Variants in KANSL1L observed in about 807,000 individuals in gnomAD.
The protein encoded by KANSL1L is KAT8 regulatory NSL complex subunit 1-like protein.
KANSL1L carries 25 observed loss-of-function variants against 108.6 expected under a neutral mutation model. That is an observed-to-expected ratio of 0.23 (90% CI 0.17 to 0.32). The LOEUF (loss-of-function observed/expected upper bound fraction) is 0.32, where lower values mean the gene tolerates loss of function less well. KANSL1L is among the 10% of genes least tolerant of loss of function. The probability of loss-of-function intolerance (pLI) is 1.00; values close to 1 mark genes in which losing one functional copy is unlikely to be tolerated. For missense variants in KANSL1L, 1,137 were observed against 1,125.7 expected (o/e 1.01, Z -0.14); for synonymous variants, 405 against 395.1 (o/e 1.03, Z -0.30).
At chr2:210,082,022 C>A (rs192210604) in intron 5 of KANSL1L, among the ~76,000 whole-genome samples, 123 of 152,236 alleles carry the variant, frequency 8.1e-4, no homozygotes, top group African/African-American at 2.8e-3. Flanking sequence ...CAGTGTCAAC[C>A]TTCTTGGCTC....
intron 6 of KANSL1L, among the ~76,000 whole-genome samples, chr2:210,058,193 G>T (rs560807450): frequency 6.6e-6 from 1 of 152,260 alleles, no homozygotes; most frequent in African/African-American, 2.4e-5. Context: ...TGAAATGGCC[G>T]CTTCAGGGGG....
chr2:210,109,939 T>C (rs1559563942), intron 3 of KANSL1L, among the ~76,000 whole-genome samples: 4 of 152,154 alleles, frequency 2.6e-5, no homozygotes, highest in African/African-American at 9.7e-5. Flanking sequence ...TCATAGAAGG[T>C]TGGCGTCCTA....
intron 1 of KANSL1L, among the ~76,000 whole-genome samples, chr2:210,158,889 A>G (rs1343659815): frequency 2.0e-5 from 3 of 152,152 alleles, no homozygotes; most frequent in Admixed American, 2.0e-4. Flanking sequence ...TTACATAACA[A>G]TGTTTCCCAA....
chr2:210,065,928 C>A (rs1252456174), intron 6 of KANSL1L, among the ~76,000 whole-genome samples: 1 of 152,054 alleles, frequency 6.6e-6, no homozygotes, highest in Admixed American at 6.6e-5. Context: ...GACTTCAAGC[C>A]TGAGCCTAAT....
rs202067900 is a variant in KANSL1L at position 210,153,967 on chromosome 2, T to C, written c.616A>G (p.Asn206Asp). ...GCAGCTGAAGAACTAACAGGCACAT[T>C]TGAGTGGCCAGGTACAATTTTCTTT... ...TQKKIVPGHS[N>D]VPVSSSAAEK... The change falls in exon 2 of 15, where the codon AAT (asparagine) becomes GAT (aspartate). Residue 206 changes from asparagine (N) to aspartate (D), a missense_variant. This residue lies in a region of KANSL1L where 556 missense variants were observed against 537.7 expected (regional missense o/e 1.03). Transcript: ENST00000281772. 19 of 1,613,550 alleles carry C rather than the reference T, an allele frequency of 1.2e-5. No individual in the cohort carries two copies. The highest frequency in any genetic ancestry group is 2.7e-5 in the African/African-American group (2 of 74,922).
intron 5 of KANSL1L, among the ~76,000 whole-genome samples, chr2:210,095,662 G>A (rs916566845): frequency 1.3e-5 from 2 of 151,902 alleles, no homozygotes; most frequent in African/African-American, 4.8e-5. Context: ...CCCCAAAATC[G>A]TTTGTTTTAC....
intron 2 of KANSL1L, among the ~76,000 whole-genome samples, chr2:210,150,446 AATG>A (rs1260352849): frequency 2.0e-5 from 3 of 152,214 alleles, no homozygotes; most frequent in African/African-American, 7.2e-5. Flanking sequence ...TAAATCTTAA[AATG>A]TTTTGAAAAA....
chr2:210,170,284 G>T, intron 1 of KANSL1L: 9 of 834,142 alleles, frequency 1.1e-5, no homozygotes, highest in Non-Finnish European at 1.2e-5. Context: ...CCTAAACCTC[G>T]CCAGAACATG....
chr2:210,093,675 G>T (rs1475943239), intron 5 of KANSL1L, among the ~76,000 whole-genome samples: 2 of 151,988 alleles, frequency 1.3e-5, no homozygotes, highest in South Asian at 4.2e-4. Flanking sequence ...TCTAATTTTT[G>T]AAATAAACAA....
intron 3 of KANSL1L, among the ~76,000 whole-genome samples, chr2:210,123,088 G>A (rs949840935): frequency 6.6e-6 from 1 of 152,064 alleles, no homozygotes; most frequent in African/African-American, 2.4e-5. Context: ...CACTGGTGGT[G>A]GGAATGTATA....
At chr2:210,158,639 A>G (rs1259709066) in intron 1 of KANSL1L, among the ~76,000 whole-genome samples, 1 of 151,998 alleles carries the variant, frequency 6.6e-6, no homozygotes, top group East Asian at 1.9e-4. Flanking sequence ...GGGACATATC[A>G]TAGCTCTTAT....
At chr2:210,055,178 C>G (rs1182891486) in intron 6 of KANSL1L, among the ~76,000 whole-genome samples, 2 of 152,200 alleles carry the variant, frequency 1.3e-5, no homozygotes, top group African/African-American at 4.8e-5. Flanking sequence ...TTCCCCTTTG[C>G]TTGGTATTTC....
chr2:210,024,482 G>A (rs926310096), intron 13 of KANSL1L, among the ~76,000 whole-genome samples: 2 of 152,034 alleles, frequency 1.3e-5, no homozygotes, highest in Non-Finnish European at 2.9e-5. Flanking sequence ...CTAATTAAAT[G>A]AAAGATGCTC....
intron 12 of KANSL1L, 33 bp downstream of exon 12, chr2:210,027,263 T>C: frequency 7.2e-7 from 1 of 1,383,836 alleles, no homozygotes; most frequent in East Asian, 2.3e-5. Context: ...ATACATAATG[T>C]GCAATTATCC....
chr2:210,034,690 A>C (rs555836133), intron 8 of KANSL1L, among the ~76,000 whole-genome samples: 4 of 152,220 alleles, frequency 2.6e-5, no homozygotes, highest in Non-Finnish European at 4.4e-5. Flanking sequence ...AGTCGAAGGC[A>C]CAAAAGGAAC....
chr2:210,022,130 T>C lies in KANSL1L; in HGVS notation c.*819A>G, dbSNP rs923840298. The C allele has an allele frequency of 6.6e-6, 1 of 151,870 alleles. No individual in the cohort carries two copies. The highest frequency in any genetic ancestry group is 6.6e-5 in the Admixed American group (1 of 15,224). The allele number at this position is 151,870 out of a possible 1,614,324, so 9.4% of individuals were successfully genotyped here. A position where few individuals can be genotyped will look rare whatever the true frequency, so the allele number is the denominator to read the frequency against. ...TCAAATTGAGTTTTCAAAGATGTGA[T>C]AGTATTAAAGTGCACCAATATTTGA... On this transcript the variant is annotated 3_prime_UTR_variant, in exon 15 of 15. Transcript: ENST00000281772.
rs545098109 is a variant in KANSL1L, at chr2:210,113,313, C to T, written c.1231-9012G>A. On this transcript the variant is annotated intron_variant, in intron 3 of 14. Transcript: ENST00000281772. The stretch of plus-strand genomic sequence containing the variant: ...TGCACCAATGGGGAAAATTAGAAAG[C>T]AACTGGGCATTTCCAAGAAAACGTG... Among the ~76,000 whole-genome samples, 4 of 152,160 alleles carry T rather than the reference C, an allele frequency of 2.6e-5. No individual in the cohort carries two copies. The South Asian group carries it at 6.2e-4, about 24-fold the overall frequency.
chr2:210,164,816 CTA>C (rs200177407), intron 1 of KANSL1L, among the ~76,000 whole-genome samples: 7,834 of 150,088 alleles, frequency 0.052, 301 homozygotes, highest in Non-Finnish European at 0.078. Flanking sequence ...CAAAAACCAA[CTA>C]TGTTTCTTGG....
rs529660553 is a variant in KANSL1L, at chr2:210,114,072, A to G, written c.1231-9771T>C. ...TATGATGAAAGACATGATTACAAAT[A>G]TCAAAAGCTGAATGAGCTCCAAATA... On this transcript the variant is annotated intron_variant, in intron 3 of 14. Transcript: ENST00000281772. 7.2e-4 allele frequency among the ~76,000 whole-genome samples: 109 copies of G among 152,318 alleles called. 3 individuals are homozygous for G. In the South Asian group the frequency reaches 0.022, roughly 30 times the overall value.
Sources: gnomAD v4.1 joint callset for allele counts (sites outside exome capture counted in the v4.1 genomes callset) on GRCh38, gnomAD v4.1.1 for gene constraint, gnomAD v4.1.1 regional missense constraint, MANE v1.5 for transcripts, NCBI Gene and HGNC (gene_info 2026-07-23, HGNC 2026-07-21) for gene names.